ETV6: variants seen among roughly 807,000 people sequenced by gnomAD.
The protein encoded by ETV6 is ETS variant transcription factor 6, also known as transcription factor ETV6.
Under a neutral mutation model 51.1 loss-of-function variants are expected in ETV6, and 16 were observed. The observed-to-expected ratio is 0.31, with a 90% CI of 0.21 to 0.48. The LOEUF is 0.48. ETV6 is among the 20% of genes least tolerant of loss of function. The pLI is 0.99. For missense variants in ETV6, 458 were observed against 594.8 expected (o/e 0.77, Z 2.39); for synonymous variants, 240 against 224.1 (o/e 1.07, Z -0.64).
At chr12:11,826,023 T>C (rs1946149180) in intron 2 of ETV6, among the ~76,000 whole-genome samples, 1 of 151,966 alleles carries the variant, frequency 6.6e-6, no homozygotes, top group African/African-American at 2.4e-5. Context: ...TTCAAGGAGA[T>C]GGGGCTCTTG....
At chr12:11,654,581 A>G (rs983109348) in intron 1 of ETV6, among the ~76,000 whole-genome samples, 4 of 146,498 alleles carry the variant, frequency 2.7e-5, no homozygotes, top group African/African-American at 9.7e-5. Flanking sequence ...GGTATGTGCC[A>G]AGGAAGATGG....
chr12:11,787,676 A>G (rs1279537904), intron 2 of ETV6, among the ~76,000 whole-genome samples: 1 of 152,198 alleles, frequency 6.6e-6, no homozygotes, highest in African/African-American at 2.4e-5. Flanking sequence ...TAGGTAGCCA[A>G]GTTAGGAGTA....
chr12:11,757,250 T>C (rs1262904072), intron 2 of ETV6, among the ~76,000 whole-genome samples: 2 of 152,164 alleles, frequency 1.3e-5, no homozygotes, highest in African/African-American at 4.8e-5. Context: ...TTGGAAACAT[T>C]ACCTCGCTGC....
chr12:11,862,423 C>T lies in ETV6; in HGVS notation c.464-7001C>T, dbSNP rs2283338. Among the ~76,000 whole-genome samples the T allele has an allele frequency of 9.1e-4, 138 of 152,276 alleles. 1 individual carries two copies. Among genetic ancestry groups the T allele is most frequent in the East Asian group, 4.3e-3 (22 of 5,176 alleles). ...GGCCGCTGTAACAAAGTACCCCAAA[C>T]GGGGTGGCTTAAACAACAGATATTT... On this transcript the variant is annotated intron_variant, in intron 4 of 7. Coordinates refer to ENST00000396373, the MANE Select transcript of ETV6 (RefSeq NM_001987.5).
At chr12:11,782,138 TTTGCTGAAATC>T (rs1196233860) in intron 2 of ETV6, among the ~76,000 whole-genome samples, 2 of 152,210 alleles carry the variant, frequency 1.3e-5, no homozygotes, top group East Asian at 3.8e-4. Flanking sequence ...TGTCAAGTTA[TTTGCTGAAATC>T]AGATGCACTG....
chr12:11,752,303 G>A (rs1009678806), intron 1 of ETV6, 147 bp from the exon 2 acceptor site: 1 of 776,570 alleles, frequency 1.3e-6, no homozygotes, highest in Non-Finnish European at 2.1e-6. Context: ...TGTCTCTACG[G>A]AGAGAGTAAG....
At chr12:11,697,259 C>T (rs1378213008) in intron 1 of ETV6, among the ~76,000 whole-genome samples, 2 of 152,144 alleles carry the variant, frequency 1.3e-5, no homozygotes, top group African/African-American at 4.8e-5. Context: ...CTGTAAGCTA[C>T]ACAGGAGCCA....
intron 1 of ETV6, among the ~76,000 whole-genome samples, chr12:11,698,675 T>C (rs1262390367): frequency 2.0e-5 from 3 of 152,188 alleles, no homozygotes; most frequent in African/African-American, 7.2e-5. Context: ...ATTTTTCCCC[T>C]AATACCTTTG....
chr12:11,860,936 C>T (rs1565556011), intron 4 of ETV6, among the ~76,000 whole-genome samples: 1 of 152,310 alleles, frequency 6.6e-6, no homozygotes, highest in East Asian at 1.9e-4. Context: ...CCAAGAACAC[C>T]TTTGAGGATT....
At chr12:11,699,281 A>G (rs537942456) in intron 1 of ETV6, among the ~76,000 whole-genome samples, 2 of 152,222 alleles carry the variant, frequency 1.3e-5, no homozygotes, top group Non-Finnish European at 2.9e-5. Flanking sequence ...CTGAATACAC[A>G]TCCAAGAGCT....
At chr12:11,683,896 GC>G (rs1223052383) in intron 1 of ETV6, among the ~76,000 whole-genome samples, 2 of 150,906 alleles carry the variant, frequency 1.3e-5, no homozygotes, top group Non-Finnish European at 3.0e-5. Context: ...TTTCTGTTTA[GC>G]TTTTTTTTTT....
intron 2 of ETV6, among the ~76,000 whole-genome samples, chr12:11,758,616 TC>T: frequency 6.6e-6 from 1 of 152,278 alleles, no homozygotes; most frequent in East Asian, 1.9e-4. Flanking sequence ...GGAACTTTCT[TC>T]CCGTTCTCGC....
chr12:11,863,671 T>TGTTTAG (rs1320552230), intron 4 of ETV6, among the ~76,000 whole-genome samples: 29 of 152,216 alleles, frequency 1.9e-4, no homozygotes, highest in Admixed American at 1.9e-3. Context: ...AGAAGACTCC[T>TGTTTAG]ACATCTGGGG....
chr12:11,655,038 G>A (rs1223942771), intron 1 of ETV6, among the ~76,000 whole-genome samples: 1 of 152,164 alleles, frequency 6.6e-6, no homozygotes, highest in Non-Finnish European at 1.5e-5. Flanking sequence ...TCCTCTGAGT[G>A]CAGCTGTATT....
At chr12:11,701,493 A>C (rs1864981173) in intron 1 of ETV6, among the ~76,000 whole-genome samples, 1 of 152,124 alleles carries the variant, frequency 6.6e-6, no homozygotes, top group South Asian at 2.1e-4. Flanking sequence ...AAGACTCAAG[A>C]GTTTAAGTGT....
chr12:11,741,400 G>A (rs1025149991), intron 1 of ETV6, among the ~76,000 whole-genome samples: 9 of 152,212 alleles, frequency 5.9e-5, no homozygotes, highest in African/African-American at 1.9e-4. Context: ...TTTTGGATGC[G>A]AGAGAGGGAA....
At chr12:11,846,111 T>C (rs1430421672) in intron 3 of ETV6, among the ~76,000 whole-genome samples, 2 of 152,048 alleles carry the variant, frequency 1.3e-5, no homozygotes, top group Non-Finnish European at 2.9e-5. Flanking sequence ...ATTATGTAAC[T>C]TAAGGGACCG....
At chr12:11,749,288 T>TACACACACACACACACACACAC (rs761925697) in intron 1 of ETV6, among the ~76,000 whole-genome samples, 3 of 122,842 alleles carry the variant, frequency 2.4e-5, no homozygotes, top group African/African-American at 6.5e-5. Flanking sequence ...ATCCCCCCCA[T>TACACACACACACACACACACAC]ACACACACAC....
chr12:11,877,674 A>G (rs901274417), intron 5 of ETV6, among the ~76,000 whole-genome samples: 14 of 152,148 alleles, frequency 9.2e-5, no homozygotes, highest in African/African-American at 3.1e-4. Context: ...ATGGCCCCGA[A>G]CAGTCCTAGG....
Sources: gnomAD v4.1 joint callset for allele counts (sites outside exome capture counted in the v4.1 genomes callset) on GRCh38, gnomAD v4.1.1 for gene constraint, MANE v1.5 for transcripts, NCBI Gene and HGNC (gene_info 2026-07-23, HGNC 2026-07-21) for gene names.